OR2M2: variants seen among roughly 807,000 people sequenced by gnomAD.
OR2M2 encodes the protein olfactory receptor 2M2.
For missense variants in OR2M2, 467 were observed against 429.9 expected, an observed-to-expected ratio of 1.09 and a Z score of -0.76; for synonymous variants, 168 against 151.7, an observed-to-expected ratio of 1.11 and a Z score of -0.79.
intron 1 of OR2M2, among the ~76,000 whole-genome samples, chr1:248,179,241 T>C (rs770517358): frequency 6.6e-6 from 1 of 152,180 alleles, no homozygotes; most frequent in Non-Finnish European, 1.5e-5. Context: ...ACGTGAGTCA[T>C]ATTGCATTAG....
intron 1 of OR2M2, among the ~76,000 whole-genome samples, chr1:248,177,302 A>G (rs1665867076): frequency 6.6e-6 from 1 of 152,118 alleles, no homozygotes; most frequent in African/African-American, 2.4e-5. Flanking sequence ...TAAAAGGTAG[A>G]ATAGAATTAC....
chr1:248,179,568 C>G (rs1195718400), intron 1 of OR2M2, among the ~76,000 whole-genome samples: 1 of 152,118 alleles, frequency 6.6e-6, no homozygotes, highest in African/African-American at 2.4e-5. Context: ...TACATTTATT[C>G]TACATTTGTA....
chr1:248,175,942 C>T (rs1348150959), intron 1 of OR2M2, among the ~76,000 whole-genome samples: 2 of 152,108 alleles, frequency 1.3e-5, no homozygotes, highest in Non-Finnish European at 2.9e-5. Context: ...CTCACCAATG[C>T]TACTTCTTGT....
At chr1:248,175,153 T>A (rs1665845257) in intron 1 of OR2M2, among the ~76,000 whole-genome samples, 1 of 152,088 alleles carries the variant, frequency 6.6e-6, no homozygotes, top group African/African-American at 2.4e-5. Context: ...AAATTGATAG[T>A]GAATAGGTGT....
At chr1:248,176,551 A>T (rs1665858502) in intron 1 of OR2M2, among the ~76,000 whole-genome samples, 1 of 152,082 alleles carries the variant, frequency 6.6e-6, no homozygotes, top group Non-Finnish European at 1.5e-5. Context: ...TGAGATGTCA[A>T]TAGGTATTCT....
intron 1 of OR2M2, among the ~76,000 whole-genome samples, chr1:248,176,756 A>C (rs2103005946): frequency 6.6e-6 from 1 of 152,110 alleles, no homozygotes; most frequent in African/African-American, 2.4e-5. Flanking sequence ...CCTCTTGGAA[A>C]CCCAATTTTA....
At chr1:248,177,756 G>C (rs1000461712) in intron 1 of OR2M2, among the ~76,000 whole-genome samples, 1 of 152,088 alleles carries the variant, frequency 6.6e-6, no homozygotes. Context: ...AGATCCCAGA[G>C]ATGCCCATTA....
chr1:248,180,734 T>A lies in OR2M2; in HGVS notation c.749T>A (p.Met250Lys), dbSNP rs749069170. 4 of 1,613,548 alleles carry A rather than the reference T, an allele frequency of 2.5e-6. No individual in the cohort carries two copies. The highest frequency in any genetic ancestry group is 1.7e-5 in the Admixed American group (1 of 59,982). Reference sequence around the variant, plus strand: ...TCCTCTCACCTCATGGTGGTGGGAATGTACTATGGAGCAGCTTTGTTCATG... The same window carrying A: ...TCCTCTCACCTCATGGTGGTGGGAAAGTACTATGGAGCAGCTTTGTTCATG... Reference protein sequence around the residue: ...TCSSHLMVVGMYYGAALFMYI... With the variant: ...TCSSHLMVVGKYYGAALFMYI... Residue 250 changes from methionine to lysine, a missense_variant, in exon 2 of 2, where the codon ATG (methionine) becomes AAG (lysine). Coordinates refer to ENST00000641836, the MANE Select transcript of OR2M2 (RefSeq NM_001004688.2).
rs142105773 is a variant in OR2M2 at position 248,180,551 on chromosome 1, G to A, written c.566G>A (p.Cys189Tyr). 1.5e-4 allele frequency: 241 copies of A among 1,613,744 alleles called. 1 individual carries two copies. The highest frequency in any genetic ancestry group is 2.0e-4 in the Non-Finnish European group (234 of 1,179,832). ...TTCCCTTCCCTACTAATCCTCTCAT[G>A]CAATGACACATCAATATTTGAAGAG... is the stretch of plus-strand genomic sequence containing the variant. Reference protein sequence around the residue: ...CEFPSLLILSCNDTSIFEEVI... With the variant: ...CEFPSLLILSYNDTSIFEEVI... The change falls in exon 2 of 2, where the codon TGC becomes TAC. Residue 189 changes from cysteine to tyrosine, a missense_variant. By Grantham distance (194) the Cys-to-Tyr change is radical. Coordinates refer to ENST00000641836, the MANE Select transcript of OR2M2 (RefSeq NM_001004688.2).
intron 1 of OR2M2, among the ~76,000 whole-genome samples, chr1:248,179,535 C>A (rs7537031): frequency 0.74 from 113,160 of 151,970 alleles, 42,782 homozygotes; most frequent in Admixed American, 0.81. Flanking sequence ...TGGTGTAAAA[C>A]TGCCTATTAT....
At position 248,180,334 on chromosome 1, in the gene OR2M2, G is replaced by C; in HGVS notation, c.349G>C (p.Val117Leu). ...TGGCTCTGAATGTTTTCTTTTGGCT[G>C]TTATGGCTTATGACCGCTATATTGC... is the stretch of plus-strand genomic sequence containing the variant. ...LSGSECFLLA[V>L]MAYDRYIAIC... Residue 117 changes from valine to leucine, a missense_variant, in exon 2 of 2, where the codon GTT (valine) becomes CTT (leucine). By Grantham distance (32) the Val-to-Leu change is conservative (BLOSUM62 1). Coordinates refer to ENST00000641836, the MANE Select transcript of OR2M2 (RefSeq NM_001004688.2). 1.2e-6 allele frequency: 2 copies of C among 1,614,064 alleles called. No homozygotes were observed. Among genetic ancestry groups the C allele is most frequent in the Non-Finnish European group, 1.7e-6 (2 of 1,180,002 alleles).
chr1:248,178,228 T>A (rs1665877058), intron 1 of OR2M2, among the ~76,000 whole-genome samples: 1 of 151,902 alleles, frequency 6.6e-6, no homozygotes, highest in African/African-American at 2.4e-5. Context: ...TTGCTCCTGG[T>A]TTATTCAGCT....
chr1:248,178,616 C>T (rs1205663458), intron 1 of OR2M2, among the ~76,000 whole-genome samples: 2 of 152,138 alleles, frequency 1.3e-5, no homozygotes, highest in East Asian at 1.9e-4. Context: ...GAGTCTTTGT[C>T]AAATGCCACT....
intron 1 of OR2M2, among the ~76,000 whole-genome samples, chr1:248,178,348 C>A (rs1202001945): frequency 2.6e-5 from 4 of 151,210 alleles, no homozygotes; most frequent in African/African-American, 4.9e-5. Context: ...TGTTTATGAC[C>A]TCATTTTTTT....
intron 1 of OR2M2, among the ~76,000 whole-genome samples, chr1:248,177,539 A>C (rs1382066581): frequency 6.6e-6 from 1 of 152,132 alleles, no homozygotes. Context: ...GATCAAGATA[A>C]CTGGGAAAGC....
chr1:248,177,809 A>G (rs1665872316), intron 1 of OR2M2: 2 of 152,114 alleles, frequency 1.3e-5, no homozygotes, highest in South Asian at 4.1e-4. Flanking sequence ...TGAGCTACCA[A>G]ACAGGTTTAT....
At chr1:248,176,328 G>A (rs1009161371) in intron 1 of OR2M2, among the ~76,000 whole-genome samples, 11 of 151,944 alleles carry the variant, frequency 7.2e-5, no homozygotes, top group East Asian at 1.9e-4. Context: ...TCTTCCAGAC[G>A]TGATAAGGTT....
Position 248,180,885 on chromosome 1 carries a change from A to T in OR2M2, c.900A>T (p.Ala300=). Residue 300 remains alanine (A), a synonymous_variant, in exon 2 of 2, where the codon GCA becomes GCT. Transcript: ENST00000641836. The part of the protein sequence containing the change: ...YSLRNKEVTR[A]FMKILGKGKS... ...TCCGCAACAAGGAGGTGACTAGAGC[A>T]TTCATGAAGATCTTAGGAAAGGGCA... 6.2e-7 allele frequency: 1 copy of T among 1,614,114 alleles called. No individual in the cohort carries two copies. Among genetic ancestry groups the T allele is most frequent in the East Asian group, 2.2e-5 (1 of 44,872 alleles).
intron 1 of OR2M2, 102 bp downstream of exon 1, chr1:248,174,973 T>C (rs1665843327): frequency 6.6e-6 from 1 of 152,224 alleles, no homozygotes; most frequent in Admixed American, 6.5e-5. Context: ...TTTTTTGTGC[T>C]ATGAATTTTA....
Sources: allele counts gnomAD v4.1 joint callset (sites outside exome capture counted in the v4.1 genomes callset), GRCh38; gene constraint gnomAD v4.1.1; transcripts MANE v1.5; gene names NCBI Gene and HGNC (gene_info 2026-07-23, HGNC 2026-07-21).